Variants in PTPRJ observed in about 807,000 individuals in gnomAD.
The protein encoded by PTPRJ is protein tyrosine phosphatase receptor type J, also known as receptor-type tyrosine-protein phosphatase eta.
In PTPRJ, 129 loss-of-function variants were observed where a neutral mutation model predicts 141.3. That is an observed-to-expected ratio of 0.91 (90% CI 0.79 to 1.06). The LOEUF (loss-of-function observed/expected upper bound fraction) is 1.06. Among genes scored for constraint, PTPRJ ranks in the 50% least tolerant of loss-of-function variants. PTPRJ has a pLI of 0.00. For synonymous variants in PTPRJ, 610 were observed against 640.5 expected, an observed-to-expected ratio of 0.95 and a Z score of 0.72; for missense variants, 1,601 against 1,679.7, an observed-to-expected ratio of 0.95 and a Z score of 0.82.
At chr11:48,138,931 G>A (rs1486052485) in intron 10 of PTPRJ, among the ~76,000 whole-genome samples, 6 of 152,140 alleles carry the variant, frequency 3.9e-5, no homozygotes, top group Non-Finnish European at 4.4e-5. Flanking sequence ...TCAAAAGATC[G>A]AGACCATCCT....
chr11:48,151,803 C>G (rs1024273445), intron 18 of PTPRJ, among the ~76,000 whole-genome samples: 6 of 152,112 alleles, frequency 3.9e-5, no homozygotes, highest in Admixed American at 3.3e-4. Context: ...GCATAGTATT[C>G]CATGGTGAAT....
intron 7 of PTPRJ, 38 bp downstream of exon 7, chr11:48,128,081 G>C (rs772117611): frequency 2.5e-6 from 4 of 1,586,058 alleles, no homozygotes; most frequent in East Asian, 2.3e-5. Flanking sequence ...CTTTCCTGCT[G>C]TCCTGCTCCG....
chr11:48,155,848 G>A lies in PTPRJ; in HGVS notation c.3277G>A (p.Asp1093Asn), dbSNP rs1004292760. 1.2e-6 allele frequency: 2 copies of A among 1,608,500 alleles called. No homozygotes were observed. The highest frequency in any genetic ancestry group is 1.3e-5 in the African/African-American group (1 of 74,774). ...TTCGGTCCAGACCCATTCAACGGAT[G>A]ACTACATCAATGCCAACTACATGCC... ...KLSVQTHSTD[D>N]YINANYMPGY... Residue 1093 changes from aspartate (D) to asparagine (N), a missense_variant, in exon 20 of 25, where the codon GAC becomes AAC. Asp to Asn is a conservative substitution (Grantham distance 23, BLOSUM62 1). Transcript: ENST00000418331.
chr11:47,981,165 G>C (rs962465976), intron 1 of PTPRJ, among the ~76,000 whole-genome samples, 157 bp downstream of exon 1: 2 of 152,160 alleles, frequency 1.3e-5, no homozygotes, highest in East Asian at 3.9e-4. Flanking sequence ...GACCCCGGCC[G>C]GCCTCGCACG....
chr11:48,117,938 C>A (rs1374518653), intron 3 of PTPRJ, among the ~76,000 whole-genome samples: 1 of 152,104 alleles, frequency 6.6e-6, no homozygotes, highest in Non-Finnish European at 1.5e-5. Context: ...TATATGCCAA[C>A]AAATTGGATA....
Position 48,121,100 on chromosome 11 carries a change from G to T in PTPRJ, c.450G>T (p.Lys150Asn), listed in dbSNP as rs1856695271. 6.2e-7 allele frequency: 1 copy of T among 1,614,014 alleles called. No homozygotes were observed. Among genetic ancestry groups the T allele is most frequent in the South Asian group, 1.1e-5 (1 of 91,080 alleles). The change falls in exon 4 of 25, where the codon AAG (lysine) becomes AAT (asparagine). Residue 150 changes from lysine to asparagine, a missense_variant. Transcript: ENST00000418331. ...ATGACACAGCTGCTTCTGAGTACAA[G>T]TATGTAGTAAAGCATAAGATGGAAA... ...KSNDTAASEY[K>N]YVVKHKMENE...
chr11:48,113,187 T>C (rs1422121552), intron 3 of PTPRJ, among the ~76,000 whole-genome samples: 1 of 152,340 alleles, frequency 6.6e-6, no homozygotes, highest in East Asian at 1.9e-4. Flanking sequence ...GAGATAACCA[T>C]TGATCACTTG....
rs1212736589 is a variant in PTPRJ at position 48,054,623 on chromosome 11, C to T, written c.97-55435C>T. On this transcript the variant is annotated intron_variant, in intron 1 of 24. Coordinates refer to ENST00000418331, the MANE Select transcript of PTPRJ (RefSeq NM_002843.4). ...TTTGCCCTCTCTGTGGTCTTGCCCACGGACTTGTAGTCCCTGATGTACGCC... is the reference window on the plus strand; with the variant it reads ...TTTGCCCTCTCTGTGGTCTTGCCCATGGACTTGTAGTCCCTGATGTACGCC... 5.9e-5 allele frequency among the ~76,000 whole-genome samples: 9 copies of T among 152,150 alleles called. No homozygotes were observed. The South Asian group carries it at 8.3e-4, about 14-fold the overall frequency.
chr11:48,153,436 AGGCAGGAGACCGCGCCACTGCACTCCAGC>A (rs1857529711), intron 18 of PTPRJ, among the ~76,000 whole-genome samples: 1 of 131,600 alleles, frequency 7.6e-6, no homozygotes, highest in Admixed American at 9.2e-5. Flanking sequence ...CGGGAGGCTG[AGGCAGGAGACCGCGCCACTGCACTCCAGC>A]CTGGGCGACA....
chr11:48,129,593 G>A (rs1203676422), intron 7 of PTPRJ, among the ~76,000 whole-genome samples: 1 of 152,152 alleles, frequency 6.6e-6, no homozygotes. Context: ...TAACAGTTGA[G>A]GAGCAGGCTT....
intron 4 of PTPRJ, 98 bp from the exon 5 acceptor site, chr11:48,123,515 C>T: frequency 7.6e-6 from 10 of 1,308,456 alleles, no homozygotes; most frequent in South Asian, 3.0e-5. Context: ...TTCTTTTTTT[C>T]TTTTAAAACC....
intron 14 of PTPRJ, among the ~76,000 whole-genome samples, chr11:48,145,897 C>T (rs966765797): frequency 6.6e-6 from 1 of 152,020 alleles, no homozygotes; most frequent in Non-Finnish European, 1.5e-5. Context: ...TGCTCTGTTG[C>T]CCAGGAGTAC....
At chr11:48,004,412 A>G (rs1681619) in intron 1 of PTPRJ, among the ~76,000 whole-genome samples, 1 of 152,216 alleles carries the variant, frequency 6.6e-6, no homozygotes, top group African/African-American at 2.4e-5. Context: ...TTTTGCATAC[A>G]GGAAGTCATG....
chr11:47,996,283 C>T (rs1226447281), intron 1 of PTPRJ, among the ~76,000 whole-genome samples: 1 of 139,048 alleles, frequency 7.2e-6, no homozygotes, highest in East Asian at 2.1e-4. Context: ...TGCAGTGAGC[C>T]AAGATCGCAC....
intron 1 of PTPRJ, among the ~76,000 whole-genome samples, chr11:48,101,365 G>C (rs927789716): frequency 2.6e-5 from 4 of 152,090 alleles, no homozygotes; most frequent in Non-Finnish European, 5.9e-5. Context: ...TGGGGTGGTC[G>C]TTTGACTGTG....
chr11:48,161,950 T>C (rs745574613), intron 22 of PTPRJ, among the ~76,000 whole-genome samples: 1 of 152,164 alleles, frequency 6.6e-6, no homozygotes, highest in Non-Finnish European at 1.5e-5. Context: ...TCATTTGAAC[T>C]GACTGGCTTC....
At chr11:48,089,882 T>C (rs1418182922) in intron 1 of PTPRJ, among the ~76,000 whole-genome samples, 1 of 152,200 alleles carries the variant, frequency 6.6e-6, no homozygotes, top group Non-Finnish European at 1.5e-5. Flanking sequence ...AGCCAGCCAT[T>C]GAAGTGCAGT....
At chr11:47,995,112 AGTTT>A (rs1176226145) in intron 1 of PTPRJ, among the ~76,000 whole-genome samples, 1 of 152,182 alleles carries the variant, frequency 6.6e-6, no homozygotes, top group African/African-American at 2.4e-5. Context: ...TTAGTCTTAT[AGTTT>A]GTTTTCAAAA....
At chr11:47,995,602 G>A (rs1393428501) in intron 1 of PTPRJ, among the ~76,000 whole-genome samples, 2 of 152,230 alleles carry the variant, frequency 1.3e-5, no homozygotes, top group Non-Finnish European at 2.9e-5. Flanking sequence ...GGAGCTATCA[G>A]GTGGTAAGAA....
Sources: allele counts gnomAD v4.1 joint callset (sites outside exome capture counted in the v4.1 genomes callset), GRCh38; gene constraint gnomAD v4.1.1; transcripts MANE v1.5; gene names NCBI Gene and HGNC (gene_info 2026-07-23, HGNC 2026-07-21).